LHFPL3: variants seen among roughly 807,000 people sequenced by gnomAD.
LHFPL3 encodes the protein LHFPL tetraspan subfamily member 3.
LHFPL3 carries 5 observed loss-of-function variants against 19.3 expected under a neutral mutation model. The ratio of observed to expected loss-of-function variants is 0.26; its 90% confidence interval spans 0.14 to 0.54. LHFPL3 has a LOEUF of 0.54. Ranked by LOEUF, LHFPL3 falls within the 20% of genes least tolerant of loss-of-function variation. The probability of loss-of-function intolerance (pLI) is 0.94; values close to 1 mark genes in which losing one functional copy is unlikely to be tolerated. For synonymous variants in LHFPL3, 133 were observed against 126.2 expected (o/e 1.05, Z -0.36); for missense variants, 249 against 307.4 (o/e 0.81, Z 1.42).
intron 1 of LHFPL3, among the ~76,000 whole-genome samples, chr7:104,632,965 C>T (rs1307093940): frequency 6.6e-6 from 1 of 152,150 alleles, no homozygotes; most frequent in Non-Finnish European, 1.5e-5. Flanking sequence ...GATATGGAAA[C>T]TATGAATACT....
chr7:104,610,818 TG>T (rs1791199493), intron 1 of LHFPL3, among the ~76,000 whole-genome samples: 2 of 152,238 alleles, frequency 1.3e-5, no homozygotes, highest in African/African-American at 4.8e-5. Flanking sequence ...ATCAAATATC[TG>T]GGCATCCTGT....
rs1428087473 is a variant in LHFPL3 at position 104,682,638 on chromosome 7, C to T, written c.446-54037C>T. Among the ~76,000 whole-genome samples the T allele has an allele frequency of 3.3e-5, 5 of 152,166 alleles. No homozygotes were observed. In the East Asian group the frequency reaches 5.8e-4, roughly 18 times the overall value. On this transcript the variant is annotated intron_variant, in intron 1 of 2. Transcript: ENST00000424859. ...GGCTTCAGAGGGTCCTGGAATGGGA[C>T]TGTGCCAGCTGGAAAAACAAGTTTT...
At position 104,908,114 on chromosome 7, in the gene LHFPL3, C is replaced by A. The variant is rs1792653771; in HGVS notation, c.*1899C>A. 6.6e-6 allele frequency among the ~76,000 whole-genome samples: 1 copy of A among 152,144 alleles called. No individual in the cohort carries two copies. The highest frequency in any genetic ancestry group is 1.5e-5 in the Non-Finnish European group (1 of 68,026). ...GGGAGGTACCTGTCTACTTTATCTA[C>A]AATAAAAACAAAGGGTATTGGCTTT... On this transcript the variant is annotated 3_prime_UTR_variant, in exon 3 of 3. Transcript: ENST00000424859.
rs190231501 is a variant in LHFPL3 at position 104,644,455 on chromosome 7, C to T, written c.446-92220C>T. On this transcript the variant is annotated intron_variant, in intron 1 of 2. Coordinates refer to ENST00000424859, the MANE Select transcript of LHFPL3 (RefSeq NM_199000.3). ...TATTATTGGGTGATTATATGAAAGC[C>T]GACACAGGAAAAAGCAAGGATGCAT... Among the ~76,000 whole-genome samples, 168 of 152,226 alleles carry T rather than the reference C, an allele frequency of 1.1e-3. 1 individual carries two copies. The highest frequency in any genetic ancestry group is 1.9e-3 in the Non-Finnish European group (126 of 68,014).
intron 1 of LHFPL3, among the ~76,000 whole-genome samples, chr7:104,726,633 C>T (rs1045558596): frequency 6.6e-6 from 1 of 152,100 alleles, no homozygotes. Flanking sequence ...ACTTCCAGCT[C>T]CATCCATGTC....
intron 1 of LHFPL3, among the ~76,000 whole-genome samples, chr7:104,716,037 G>A (rs1793378651): frequency 6.6e-6 from 1 of 152,124 alleles, no homozygotes; most frequent in African/African-American, 2.4e-5. Flanking sequence ...CAATTAGGCA[G>A]GAGAAGAAAT....
At chr7:104,490,786 T>A (rs1793329329) in intron 1 of LHFPL3, among the ~76,000 whole-genome samples, 1 of 152,224 alleles carries the variant, frequency 6.6e-6, no homozygotes, top group African/African-American at 2.4e-5. Flanking sequence ...ATGTGTAATA[T>A]GAAAACTGAG....
At chr7:104,442,383 G>A (rs1691913093) in intron 1 of LHFPL3, among the ~76,000 whole-genome samples, 1 of 152,114 alleles carries the variant, frequency 6.6e-6, no homozygotes, top group Admixed American at 6.5e-5. Flanking sequence ...ACGACGCTTT[G>A]AGATGAGGTC....
intron 1 of LHFPL3, among the ~76,000 whole-genome samples, chr7:104,474,523 C>T (rs1446028662): frequency 5.3e-5 from 8 of 151,646 alleles, no homozygotes; most frequent in South Asian, 2.1e-4. Context: ...TAAAATTAGC[C>T]GGGCATGGTG....
intron 1 of LHFPL3, among the ~76,000 whole-genome samples, chr7:104,366,842 A>G (rs756354693): frequency 6.6e-6 from 1 of 152,334 alleles, no homozygotes; most frequent in Middle Eastern, 3.4e-3. Flanking sequence ...GGTAACTTGT[A>G]TTAGAGATGG....
chr7:104,381,326 T>C (rs1277641880), intron 1 of LHFPL3, among the ~76,000 whole-genome samples: 1 of 152,210 alleles, frequency 6.6e-6, no homozygotes, highest in Non-Finnish European at 1.5e-5. Context: ...TCTACTACTA[T>C]TGGGCTTCTA....
chr7:104,509,650 A>G (rs1211475188), intron 1 of LHFPL3, among the ~76,000 whole-genome samples: 2 of 152,108 alleles, frequency 1.3e-5, no homozygotes, highest in Non-Finnish European at 2.9e-5. Context: ...TAAAAAATTA[A>G]ATGCTTTGCC....
At chr7:104,697,862 CT>C (rs1793027275) in intron 1 of LHFPL3, among the ~76,000 whole-genome samples, 1 of 152,200 alleles carries the variant, frequency 6.6e-6, no homozygotes, top group Non-Finnish European at 1.5e-5. Flanking sequence ...TCCAAGGGAT[CT>C]GGGGGGATGG....
At chr7:104,430,370 G>GTA (rs1296589956) in intron 1 of LHFPL3, among the ~76,000 whole-genome samples, 44 of 61,422 alleles carry the variant, frequency 7.2e-4, no homozygotes, top group East Asian at 5.0e-3. Flanking sequence ...ATTTCTGTGG[G>GTA]TATATATATA....
At chr7:104,576,998 A>T (rs555254804) in intron 1 of LHFPL3, among the ~76,000 whole-genome samples, 9 of 152,276 alleles carry the variant, frequency 5.9e-5, no homozygotes, top group Non-Finnish European at 1.0e-4. Context: ...TTCTTCTTTT[A>T]AATCAGTTAC....
chr7:104,609,667 A>T (rs567730573), intron 1 of LHFPL3, among the ~76,000 whole-genome samples: 2 of 152,242 alleles, frequency 1.3e-5, no homozygotes, highest in South Asian at 2.1e-4. Context: ...GTTCCTGCCA[A>T]GCTTGTTTGC....
intron 2 of LHFPL3, among the ~76,000 whole-genome samples, chr7:104,864,942 A>T (rs1420158677): frequency 6.6e-6 from 1 of 152,144 alleles, no homozygotes; most frequent in Non-Finnish European, 1.5e-5. Context: ...TGCAGCCTCC[A>T]CTGCTGATAG....
intron 1 of LHFPL3, among the ~76,000 whole-genome samples, chr7:104,526,918 A>C (rs1016964432): frequency 1.4e-4 from 21 of 152,228 alleles, no homozygotes; most frequent in Admixed American, 1.4e-3. Context: ...ACAGAAAATA[A>C]ATAAACACAT....
intron 1 of LHFPL3, among the ~76,000 whole-genome samples, chr7:104,523,828 G>A (rs1474420733): frequency 6.6e-6 from 1 of 152,082 alleles, no homozygotes; most frequent in Non-Finnish European, 1.5e-5. Context: ...CTCTAAAATG[G>A]TAATCCACCA....
Sources: allele counts gnomAD v4.1 joint callset (sites outside exome capture counted in the v4.1 genomes callset), GRCh38; gene constraint gnomAD v4.1.1; transcripts MANE v1.5; gene names NCBI Gene and HGNC (gene_info 2026-07-23, HGNC 2026-07-21).